Variants in IPCEF1 observed in about 807,000 individuals in gnomAD.
IPCEF1 encodes the protein interactor protein for cytohesin exchange factors 1.
In IPCEF1, 31 loss-of-function variants were observed where a neutral mutation model predicts 50.9. The ratio of observed to expected loss-of-function variants is 0.61; its 90% confidence interval spans 0.46 to 0.82. IPCEF1 has a LOEUF of 0.82. Among genes scored for constraint, IPCEF1 ranks in the 40% least tolerant of loss-of-function variants. The pLI is 0.00. For missense variants in IPCEF1, 458 were observed against 514.0 expected, an observed-to-expected ratio of 0.89 and a Z score of 1.05; for synonymous variants, 181 against 192.0, an observed-to-expected ratio of 0.94 and a Z score of 0.47.
At chr6:154,257,929 C>A (rs1041948393) in intron 3 of IPCEF1, among the ~76,000 whole-genome samples, 4 of 152,216 alleles carry the variant, frequency 2.6e-5, no homozygotes, top group African/African-American at 9.7e-5. Flanking sequence ...TCTCAAACTC[C>A]TGGCCTCAAG....
At chr6:154,226,036 C>G (rs556100678) in intron 5 of IPCEF1, among the ~76,000 whole-genome samples, 1 of 152,214 alleles carries the variant, frequency 6.6e-6, no homozygotes, top group Non-Finnish European at 1.5e-5. Context: ...CTGCTGCTCC[C>G]CTTTTTCCTC....
At chr6:154,180,414 A>ATATATATATTTTTTTT (rs1241250621) in intron 10 of IPCEF1, among the ~76,000 whole-genome samples, 1 of 65,266 alleles carries the variant, frequency 1.5e-5, no homozygotes, top group African/African-American at 4.8e-5. Context: ...ATATATATAT[A>ATATATATATTTTTTTT]TTTTTTTTTT....
intron 2 of IPCEF1, among the ~76,000 whole-genome samples, chr6:154,277,928 A>G (rs899425530): frequency 6.6e-6 from 1 of 151,438 alleles, no homozygotes; most frequent in Non-Finnish European, 1.5e-5. Flanking sequence ...TCATCTTTAC[A>G]TGCTCACTTT....
Position 154,168,847 on chromosome 6 carries a change from C to CAAGT in IPCEF1, c.911-735_911-734insACTT, listed in dbSNP as rs1799646228. Among the ~76,000 whole-genome samples the CAAGT allele has an allele frequency of 7.8e-6, 1 of 128,174 alleles. No individual in the cohort carries two copies. 84.1% of individuals were successfully genotyped at this position (128,174 alleles called of 152,430 possible). On this transcript the variant is annotated intron_variant, in intron 10 of 11. Transcript: ENST00000367220. This position sits in a 1 kb window ranked among gnomAD's most constrained non-coding sequence, Gnocchi z 4.1. ...TCTTGAACTCCTGACTTTGGGTGATCCGCCCACCTTGGCCTCCCAAAGTGC... is the reference window on the plus strand; with the variant it reads ...TCTTGAACTCCTGACTTTGGGTGATCAAGTCGCCCACCTTGGCCTCCCAAAGTGC...
chr6:154,292,779 A>G (rs1222496492), intron 1 of IPCEF1, among the ~76,000 whole-genome samples: 1 of 152,214 alleles, frequency 6.6e-6, no homozygotes, highest in Admixed American at 6.5e-5. Context: ...GAAACAGTGG[A>G]AAAAATGGGT....
intron 3 of IPCEF1, among the ~76,000 whole-genome samples, chr6:154,253,196 G>T (rs570245253): frequency 1.5e-4 from 23 of 150,718 alleles, no homozygotes; most frequent in South Asian, 2.1e-4. Context: ...TGCTTTTTTT[G>T]TTGTTGTTGT....
chr6:154,315,833 G>A (rs976818386), intron 1 of IPCEF1, among the ~76,000 whole-genome samples: 1 of 149,534 alleles, frequency 6.7e-6, no homozygotes, highest in African/African-American at 2.5e-5. Flanking sequence ...AATTTTTTTT[G>A]GGGGGGAGCG....
At chr6:154,250,791 T>C (rs1583906706) in intron 3 of IPCEF1, among the ~76,000 whole-genome samples, 1 of 152,376 alleles carries the variant, frequency 6.6e-6, no homozygotes, top group African/African-American at 2.4e-5. Flanking sequence ...TCCTAATCTT[T>C]AGCAAAAACT....
Position 154,271,706 on chromosome 6 carries a change from G to A in IPCEF1, c.-17-5742C>T, listed in dbSNP as rs376675389. 1.6e-4 allele frequency among the ~76,000 whole-genome samples: 24 copies of A among 152,102 alleles called. No individual in the cohort carries two copies. In the East Asian group the frequency reaches 4.5e-3, roughly 28 times the overall value. ...AAAAATATATGCTTAAAACTAGGCC[G>A]GGTTCAATGGCTCACATCTGTAATC... On this transcript the variant is annotated intron_variant, in intron 2 of 11. Coordinates refer to ENST00000367220, the MANE Select transcript of IPCEF1 (RefSeq NM_001130700.2).
At chr6:154,298,055 G>A (rs765769042) in intron 1 of IPCEF1, among the ~76,000 whole-genome samples, 1 of 152,204 alleles carries the variant, frequency 6.6e-6, no homozygotes, top group Non-Finnish European at 1.5e-5. Flanking sequence ...GCACAGAAGT[G>A]CTTCTAAGAA....
chr6:154,163,872 T>C (rs1321417046), intron 11 of IPCEF1, among the ~76,000 whole-genome samples: 1 of 152,120 alleles, frequency 6.6e-6, no homozygotes, highest in Non-Finnish European at 1.5e-5. Flanking sequence ...GATAGACATA[T>C]AGATGGATAA....
chr6:154,308,592 C>T (rs555225340), intron 1 of IPCEF1, among the ~76,000 whole-genome samples: 3 of 152,252 alleles, frequency 2.0e-5, no homozygotes, highest in Admixed American at 6.5e-5. Flanking sequence ...GAATAAACAT[C>T]GTTCTTTCAG....
At chr6:154,182,098 G>A (rs1025391843) in intron 10 of IPCEF1, among the ~76,000 whole-genome samples, 7 of 152,144 alleles carry the variant, frequency 4.6e-5, no homozygotes, top group Non-Finnish European at 1.0e-4. Flanking sequence ...GAAATTCCAT[G>A]AGAAACTGAA....
intron 9 of IPCEF1, among the ~76,000 whole-genome samples, chr6:154,202,754 T>G (rs1777173899): frequency 6.6e-6 from 1 of 152,216 alleles, no homozygotes; most frequent in Non-Finnish European, 1.5e-5. Context: ...TCATCGTGTT[T>G]GTGCTATGAC....
chr6:154,287,959 G>A (rs763367382), intron 2 of IPCEF1, among the ~76,000 whole-genome samples: 26 of 152,294 alleles, frequency 1.7e-4, no homozygotes, highest in Admixed American at 1.4e-3. Context: ...AGACAATGCA[G>A]ACATCTTACT....
intron 1 of IPCEF1, among the ~76,000 whole-genome samples, chr6:154,344,787 C>A (rs758884455): frequency 1.3e-4 from 20 of 152,148 alleles, no homozygotes; most frequent in Non-Finnish European, 2.5e-4. Context: ...CTTTTTTCTC[C>A]ACCATTACAG....
At chr6:154,212,118 C>T (rs1019247694) in intron 9 of IPCEF1, among the ~76,000 whole-genome samples, 2 of 152,184 alleles carry the variant, frequency 1.3e-5, no homozygotes, top group South Asian at 2.1e-4. Flanking sequence ...CCAAAAATCA[C>T]CTTCCCCAAT....
chr6:154,293,395 T>C (rs1048359318), intron 1 of IPCEF1, among the ~76,000 whole-genome samples: 1 of 152,106 alleles, frequency 6.6e-6, no homozygotes, highest in African/African-American at 2.4e-5. Flanking sequence ...TTCAAGAAAA[T>C]AGGCTGCAAT....
At chr6:154,308,923 A>G (rs1783005666) in intron 1 of IPCEF1, among the ~76,000 whole-genome samples, 1 of 152,268 alleles carries the variant, frequency 6.6e-6, no homozygotes, top group Non-Finnish European at 1.5e-5. Context: ...TCAGGAACAC[A>G]AGGACCGTCT....
Sources: allele counts gnomAD v4.1 joint callset (sites outside exome capture counted in the v4.1 genomes callset), GRCh38; gene constraint gnomAD v4.1.1; non-coding constraint Gnocchi (gnomAD v3.1); transcripts MANE v1.5; gene names NCBI Gene and HGNC (gene_info 2026-07-23, HGNC 2026-07-21).